Variants in ZNF385D observed in about 807,000 individuals in gnomAD.
ZNF385D encodes zinc finger protein 659.
Under a neutral mutation model 35.8 loss-of-function variants are expected in ZNF385D, and 15 were observed. The observed-to-expected ratio is 0.42, with a 90% CI of 0.28 to 0.64. The LOEUF is 0.64. ZNF385D is among the 30% of genes least tolerant of loss of function. ZNF385D has a pLI of 0.23. For synonymous variants in ZNF385D, 212 were observed against 186.8 expected (o/e 1.13, Z -1.10); for missense variants, 474 against 494.6 (o/e 0.96, Z 0.39).
chr3:21,973,307 G>A (rs1224740186), intron 3 of ZNF385D, among the ~76,000 whole-genome samples: 3 of 151,948 alleles, frequency 2.0e-5, no homozygotes, highest in Middle Eastern at 3.4e-3. Context: ...GTAGAATGAA[G>A]GACAACAACC....
chr3:21,624,960 T>G (rs1313868939), intron 2 of ZNF385D, among the ~76,000 whole-genome samples: 2 of 152,002 alleles, frequency 1.3e-5, no homozygotes, highest in Non-Finnish European at 2.9e-5. Context: ...GGGATAAAGA[T>G]TCCATAAAAA....
chr3:21,819,230 G>A (rs968116998), intron 3 of ZNF385D, among the ~76,000 whole-genome samples: 8 of 151,570 alleles, frequency 5.3e-5, no homozygotes, highest in African/African-American at 1.7e-4. Context: ...CAAATAAAAG[G>A]CACACAATAA....
intron 3 of ZNF385D, among the ~76,000 whole-genome samples, chr3:21,819,104 G>C (rs944129417): frequency 3.3e-5 from 5 of 151,690 alleles, no homozygotes; most frequent in African/African-American, 1.2e-4. Context: ...ATTAATACTT[G>C]GTTATAAATA....
intron 2 of ZNF385D, among the ~76,000 whole-genome samples, chr3:22,208,333 G>A (rs897597016): frequency 2.2e-4 from 34 of 151,916 alleles, no homozygotes; most frequent in African/African-American, 8.2e-4. Context: ...GAATAAGCCA[G>A]ACACAGGAAG....
chr3:21,450,741 G>C (rs184366814), intron 4 of ZNF385D, among the ~76,000 whole-genome samples: 1 of 152,272 alleles, frequency 6.6e-6, no homozygotes, highest in East Asian at 1.9e-4. Context: ...TGAAAAAAAT[G>C]TATTTTGTCT....
chr3:21,556,503 T>G (rs1229399847), intron 3 of ZNF385D, among the ~76,000 whole-genome samples: 1 of 150,936 alleles, frequency 6.6e-6, no homozygotes, highest in African/African-American at 2.5e-5. Context: ...TGCTTATTTT[T>G]GACGGGTTTG....
At chr3:21,866,147 A>C (rs1242599322) in intron 3 of ZNF385D, among the ~76,000 whole-genome samples, 1 of 151,556 alleles carries the variant, frequency 6.6e-6, no homozygotes, top group Non-Finnish European at 1.5e-5. Flanking sequence ...GATTTTATAA[A>C]TCTGGTATTA....
intron 2 of ZNF385D, among the ~76,000 whole-genome samples, chr3:21,608,627 C>T (rs993086712): frequency 6.6e-6 from 1 of 152,158 alleles, no homozygotes; most frequent in African/African-American, 2.4e-5. Context: ...AAATTTCTGA[C>T]TTATACAAAG....
intron 3 of ZNF385D, among the ~76,000 whole-genome samples, chr3:21,916,716 T>A (rs1399360096): frequency 6.6e-6 from 1 of 152,238 alleles, no homozygotes; most frequent in Non-Finnish European, 1.5e-5. Context: ...GGAAAAGGTC[T>A]GCCACAATTT....
intron 3 of ZNF385D, among the ~76,000 whole-genome samples, chr3:21,875,573 C>T (rs1038812608): frequency 1.3e-5 from 2 of 152,042 alleles, no homozygotes; most frequent in African/African-American, 2.4e-5. Context: ...GTCTTCTTTT[C>T]AAAATATATC....
At chr3:21,744,393 G>A (rs1198564713) in intron 1 of ZNF385D, among the ~76,000 whole-genome samples, 1 of 152,102 alleles carries the variant, frequency 6.6e-6, no homozygotes, top group Non-Finnish European at 1.5e-5. Flanking sequence ...TATGAAAAAA[G>A]GTAAGTGTGA....
chr3:21,867,154 T>G (rs1697409717), intron 3 of ZNF385D, among the ~76,000 whole-genome samples: 1 of 152,038 alleles, frequency 6.6e-6, no homozygotes, highest in Non-Finnish European at 1.5e-5. Flanking sequence ...AAACACTGTG[T>G]CCTCACATCA....
At chr3:21,845,605 G>A (rs1023915977) in intron 3 of ZNF385D, among the ~76,000 whole-genome samples, 2 of 151,930 alleles carry the variant, frequency 1.3e-5, no homozygotes, top group Admixed American at 6.6e-5. Context: ...CCTCCTAGAA[G>A]GACTTTCTTT....
intron 3 of ZNF385D, among the ~76,000 whole-genome samples, chr3:22,166,861 G>C (rs192488385): frequency 6.6e-6 from 1 of 152,168 alleles, no homozygotes; most frequent in Admixed American, 6.5e-5. Context: ...GAAGTATAAC[G>C]CCAAAGCTTA....
chr3:22,313,047 T>C (rs201460040), intron 2 of ZNF385D, among the ~76,000 whole-genome samples: 10 of 151,686 alleles, frequency 6.6e-5, no homozygotes, highest in East Asian at 3.9e-4. Context: ...GGCACATATA[T>C]ACCATGGAAT....
chr3:21,770,930 T>A (rs375216445), intron 3 of ZNF385D, among the ~76,000 whole-genome samples: 1 of 152,206 alleles, frequency 6.6e-6, no homozygotes, highest in African/African-American at 2.4e-5. Flanking sequence ...TGAGTTCATG[T>A]CCTTTGTAGG....
chr3:22,014,933 G>C (rs953273485), intron 3 of ZNF385D, among the ~76,000 whole-genome samples: 1 of 152,140 alleles, frequency 6.6e-6, no homozygotes, highest in African/African-American at 2.4e-5. Context: ...GTTTAAGGCA[G>C]CTCTTACAAA....
chr3:22,103,839 A>G (rs1460854546), intron 3 of ZNF385D, among the ~76,000 whole-genome samples: 5 of 151,976 alleles, frequency 3.3e-5, no homozygotes, highest in African/African-American at 4.8e-5. Flanking sequence ...GTGACTTTAC[A>G]CGGAAAGGGA....
chr3:22,047,407 C>A (rs896571935), intron 3 of ZNF385D, among the ~76,000 whole-genome samples: 1 of 151,976 alleles, frequency 6.6e-6, no homozygotes, highest in Non-Finnish European at 1.5e-5. Flanking sequence ...CTTTATTACC[C>A]CACTCCTCAG....
Sources: gnomAD v4.1 joint callset for allele counts (sites outside exome capture counted in the v4.1 genomes callset) on GRCh38, gnomAD v4.1.1 for gene constraint, MANE v1.5 for transcripts, NCBI Gene and HGNC (gene_info 2026-07-23, HGNC 2026-07-21) for gene names.